Variants in KCNQ1 observed in about 807,000 individuals in gnomAD.
KCNQ1 encodes the protein potassium voltage-gated channel subfamily Q member 1.
In KCNQ1, 49 loss-of-function variants were observed where a neutral mutation model predicts 72.4. The ratio of observed to expected loss-of-function variants is 0.68; its 90% CI spans 0.54 to 0.86. The LOEUF is 0.86. Among genes scored for constraint, KCNQ1 ranks in the 40% least tolerant of loss-of-function variants. The pLI is 0.00. For missense variants in KCNQ1, 790 were observed against 945.1 expected (o/e 0.84, Z 2.15); for synonymous variants, 450 against 412.6 (o/e 1.09, Z -1.10).
At chr11:2,552,820 G>A (rs149027788) in intron 2 of KCNQ1, among the ~76,000 whole-genome samples, 1 of 151,854 alleles carries the variant, frequency 6.6e-6, no homozygotes, top group Non-Finnish European at 1.5e-5. Context: ...CACGAACACT[G>A]TCTCGCTCCC....
Position 2,549,482 on chromosome 11 carries a change from C to A in KCNQ1, c.478-21146C>A, listed in dbSNP as rs906609044. On this transcript the variant is annotated intron_variant, in intron 2 of 15. Coordinates refer to ENST00000155840, the MANE Select transcript of KCNQ1 (RefSeq NM_000218.3). This position sits in a 1 kb window ranked among gnomAD's most constrained non-coding sequence, Gnocchi z 6.2. ...TGGAACCCAGAAGACATGGGGCCCT[C>A]GAGGAGGGTCCCCCGGGGGCTGCAA... Among the ~76,000 whole-genome samples the A allele has an allele frequency of 6.6e-6, 1 of 152,184 alleles. No homozygotes were observed. Among genetic ancestry groups the A allele is most frequent in the Non-Finnish European group, 1.5e-5 (1 of 68,024 alleles).
At chr11:2,459,134 C>T (rs1281448403) in intron 1 of KCNQ1, among the ~76,000 whole-genome samples, 1 of 152,176 alleles carries the variant, frequency 6.6e-6, no homozygotes, top group Non-Finnish European at 1.5e-5. Context: ...AGTTTGCACC[C>T]AGCTCCCAGC....
rs1848234961 is a variant in KCNQ1, at chr11:2,565,531, A to C, written c.478-5097A>C. ...ACACAAATAAGACACCTGAGAGCCA[A>C]CTTATAACACGCCCCAGGATGGACA... On this transcript the variant is annotated intron_variant, in intron 2 of 15. Transcript: ENST00000155840. This position sits in a 1 kb window ranked among gnomAD's most constrained non-coding sequence, Gnocchi z 5.6. Among the ~76,000 whole-genome samples, 1 of 152,218 alleles carries C rather than the reference A, an allele frequency of 6.6e-6. No individual in the cohort carries two copies. Among genetic ancestry groups the C allele is most frequent in the Non-Finnish European group, 1.5e-5 (1 of 68,046 alleles).
rs1447985980 is a variant in KCNQ1, at chr11:2,450,461, C to T, written c.386+4977C>T. ...ATCCTGGGCCACTTTGACCCAGACC[C>T]CAAGGATTTGGTTACAGAGGGGAGG... On this transcript the variant is annotated intron_variant, in intron 1 of 15. Coordinates refer to ENST00000155840, the MANE Select transcript of KCNQ1 (RefSeq NM_000218.3). The surrounding 1 kb of genome is among the most constrained non-coding windows in gnomAD (Gnocchi z 7.9). Among the ~76,000 whole-genome samples, 2 of 152,114 alleles carry T rather than the reference C, an allele frequency of 1.3e-5. No individual in the cohort carries two copies. The highest frequency in any genetic ancestry group is 4.8e-5 in the African/African-American group (2 of 41,410).
intron 2 of KCNQ1, among the ~76,000 whole-genome samples, chr11:2,531,819 C>T (rs941284795): frequency 7.9e-5 from 12 of 152,196 alleles, no homozygotes; most frequent in Non-Finnish European, 1.8e-4. Flanking sequence ...CCACACCTTG[C>T]GTCTCACCAG....
chr11:2,469,811 C>T (rs1175451975), intron 1 of KCNQ1, among the ~76,000 whole-genome samples: 2 of 151,926 alleles, frequency 1.3e-5, no homozygotes, highest in Non-Finnish European at 2.9e-5. Flanking sequence ...GTAGCTGGGA[C>T]TACAGGCGCC....
In KCNQ1 at chr11:2,674,670, T is replaced by G. The variant is rs2133872646; in HGVS notation, c.1514+12589T>G. ...AAGCCAGAACTTTTTGCAAAATAAT[T>G]TGAAAAGTTTGTTGAACCTTAAACC... On this transcript the variant is annotated intron_variant, in intron 11 of 15. Transcript: ENST00000155840. This position sits in a 1 kb window ranked among gnomAD's most constrained non-coding sequence, Gnocchi z 5.9. 2.5e-6 allele frequency: 1 copy of G among 398,534 alleles called. No homozygotes were observed. 24.7% of individuals were successfully genotyped at this position (398,534 alleles called of 1,614,324 possible).
intron 1 of KCNQ1, among the ~76,000 whole-genome samples, chr11:2,453,717 C>A (rs1406765937): frequency 6.6e-6 from 1 of 152,224 alleles, no homozygotes; most frequent in Non-Finnish European, 1.5e-5. Flanking sequence ...AAACTGTCTT[C>A]ACTGACCTGT....
rs1851076079 is a variant in KCNQ1 at position 2,715,383 on chromosome 11, AG to A, written c.1514+53304del. On this transcript the variant is annotated intron_variant, in intron 11 of 15. Coordinates refer to ENST00000155840, the MANE Select transcript of KCNQ1 (RefSeq NM_000218.3). This position sits in a 1 kb window ranked among gnomAD's most constrained non-coding sequence, Gnocchi z 4.9. ...TGGACAGAGCAGGCAGGAGTGGGGC[AG>A]GAGGGGGCTTTGCAGATTACCCAGA... 5.9e-5 allele frequency among the ~76,000 whole-genome samples: 9 copies of A among 152,200 alleles called. No homozygotes were observed. The South Asian group carries it at 1.9e-3, about 32-fold the overall frequency.
chr11:2,607,600 A>G (rs1300281094), intron 10 of KCNQ1, among the ~76,000 whole-genome samples: 1 of 152,230 alleles, frequency 6.6e-6, no homozygotes, highest in Non-Finnish European at 1.5e-5. Context: ...TGAATCTGCC[A>G]GTGCCTTGAC....
Position 2,769,250 on chromosome 11 carries a change from G to A in KCNQ1, c.1590+331G>A, listed in dbSNP as rs530615188. On this transcript the variant is annotated intron_variant, in intron 12 of 15. Transcript: ENST00000155840. This position sits in a 1 kb window ranked among gnomAD's most constrained non-coding sequence, Gnocchi z 4.6. ...GCAAGGCAGCATTAGTGAGAGATGT[G>A]AGGGTGACATCAGAATGACTCAGAG... Among the ~76,000 whole-genome samples, 1 of 152,290 alleles carries A rather than the reference G, an allele frequency of 6.6e-6. No homozygotes were observed. The highest frequency in any genetic ancestry group is 2.4e-5 in the African/African-American group (1 of 41,568).
chr11:2,533,767 C>T (rs896465919), intron 2 of KCNQ1, among the ~76,000 whole-genome samples: 1 of 152,206 alleles, frequency 6.6e-6, no homozygotes, highest in African/African-American at 2.4e-5. Context: ...AGAGACCCTG[C>T]CCTGGCCCAG....
rs1364129055 is a variant in KCNQ1 at position 2,515,799 on chromosome 11, C to G, written c.387-12129C>G. ...GTGGCCGGCCCTGGGAGCACAGAGC[C>G]CCGTTCCCAGCAGCCCTCGGCCCTG... On this transcript the variant is annotated intron_variant, in intron 1 of 15. Transcript: ENST00000155840. This position sits in a 1 kb window ranked among gnomAD's most constrained non-coding sequence, Gnocchi z 4.7. Among the ~76,000 whole-genome samples the G allele has an allele frequency of 6.6e-6, 1 of 152,096 alleles. No homozygotes were observed. Among genetic ancestry groups the G allele is most frequent in the Non-Finnish European group, 1.5e-5 (1 of 68,000 alleles).
rs371239501 is a variant in KCNQ1, at chr11:2,517,664, C to A, written c.387-10264C>A. Among the ~76,000 whole-genome samples the A allele has an allele frequency of 5.3e-5, 8 of 152,320 alleles. No homozygotes were observed. The South Asian group carries it at 1.2e-3, about 24-fold the overall frequency. On this transcript the variant is annotated intron_variant, in intron 1 of 15. Coordinates refer to ENST00000155840, the MANE Select transcript of KCNQ1 (RefSeq NM_000218.3). ...CCTGTCCTGACTTGGTCTTCTGGGG[C>A]AGCCCCTAAGACGCTTCTTCAGGGA...
At position 2,734,052 on chromosome 11, in the gene KCNQ1, C is replaced by T. The variant is rs1329080625; in HGVS notation, c.1515-34792C>T. Among the ~76,000 whole-genome samples the T allele has an allele frequency of 6.6e-6, 1 of 152,122 alleles. No individual in the cohort carries two copies. Among genetic ancestry groups the T allele is most frequent in the Non-Finnish European group, 1.5e-5 (1 of 68,026 alleles). ...AGGACCACCTTGCGGTTCTCCCAGC[C>T]CCAGCCTTGCCTTTCTAGTGGTTCT... On this transcript the variant is annotated intron_variant, in intron 11 of 15. Coordinates refer to ENST00000155840, the MANE Select transcript of KCNQ1 (RefSeq NM_000218.3). The surrounding 1 kb of genome is among the most constrained non-coding windows in gnomAD (Gnocchi z 7.0).
intron 1 of KCNQ1, among the ~76,000 whole-genome samples, chr11:2,456,494 GAC>G (rs2133574539): frequency 6.6e-6 from 1 of 152,138 alleles, no homozygotes; most frequent in South Asian, 2.1e-4. Flanking sequence ...CAGCAAGAGA[GAC>G]TGCCAAGGGA....
At chr11:2,511,207 G>T (rs1847195945) in intron 1 of KCNQ1, among the ~76,000 whole-genome samples, 1 of 152,172 alleles carries the variant, frequency 6.6e-6, no homozygotes, top group Admixed American at 6.5e-5. Flanking sequence ...GATGCACCTT[G>T]GGTGTGACTG....
At chr11:2,716,345 G>A (rs1205168092) in intron 11 of KCNQ1, among the ~76,000 whole-genome samples, 1 of 152,174 alleles carries the variant, frequency 6.6e-6, no homozygotes, top group Non-Finnish European at 1.5e-5. Context: ...CTAGGGCACA[G>A]CTTTGGGGAG....
chr11:2,589,236 G>T (rs12804487), intron 10 of KCNQ1, among the ~76,000 whole-genome samples: 27,026 of 152,200 alleles, frequency 0.18, 2,597 homozygotes, highest in Admixed American at 0.26. Flanking sequence ...AGGGACGCCA[G>T]AGGGAAGGGG....
Sources: gnomAD v4.1 joint callset for allele counts (sites outside exome capture counted in the v4.1 genomes callset) on GRCh38, gnomAD v4.1.1 for gene constraint, Gnocchi (gnomAD v3.1) non-coding constraint, MANE v1.5 for transcripts, NCBI Gene and HGNC (gene_info 2026-07-23, HGNC 2026-07-21) for gene names.